MTUS2: variants seen among roughly 807,000 people sequenced by gnomAD.
MTUS2 encodes microtubule-associated tumor suppressor candidate 2.
MTUS2 carries 40 observed loss-of-function variants against 114.1 expected under a neutral mutation model. The observed-to-expected ratio is 0.35, with a 90% confidence interval of 0.27 to 0.46. The LOEUF is 0.46. Among genes scored for constraint, MTUS2 ranks in the 20% least tolerant of loss-of-function variants. The pLI is 1.00. For synonymous variants in MTUS2, 688 were observed against 672.0 expected (o/e 1.02, Z -0.37); for missense variants, 1,679 against 1,705.4 (o/e 0.98, Z 0.27).
intron 5 of MTUS2, among the ~76,000 whole-genome samples, chr13:29,277,652 C>T (rs1898114609): frequency 6.6e-6 from 1 of 152,182 alleles, no homozygotes; most frequent in African/African-American, 2.4e-5. Flanking sequence ...TCCCTTTTCC[C>T]CTGGACATAA....
intron 9 of MTUS2, among the ~76,000 whole-genome samples, chr13:29,473,631 ATG>A (rs748390959): frequency 6.6e-5 from 10 of 152,180 alleles, no homozygotes; most frequent in Non-Finnish European, 1.2e-4. Flanking sequence ...TTTATATCAG[ATG>A]TGTGTGTATT....
rs189464648 is a variant in MTUS2, at chr13:28,967,958, G to A, written c.-242-56499G>A. ...TACACCCTGTTATTATTTCAATAGC[G>A]TTTATTTTTATAGTTCTTTAAATAT... On this transcript the variant is annotated intron_variant, in intron 2 of 15. Transcript: ENST00000612955. 2.6e-4 allele frequency among the ~76,000 whole-genome samples: 40 copies of A among 152,222 alleles called. No homozygotes were observed. In the East Asian group the frequency reaches 5.0e-3, roughly 19 times the overall value.
intron 8 of MTUS2, among the ~76,000 whole-genome samples, chr13:29,404,644 G>A (rs193249345): frequency 2.0e-5 from 3 of 152,088 alleles, no homozygotes; most frequent in Non-Finnish European, 4.4e-5. Flanking sequence ...ATTCAGTCTC[G>A]TACTCACACC....
intron 2 of MTUS2, among the ~76,000 whole-genome samples, chr13:29,012,876 T>TA (rs879541206): frequency 9.4e-4 from 141 of 150,382 alleles, no homozygotes; most frequent in Non-Finnish European, 1.5e-3. Context: ...TACATCTCAA[T>TA]AAAAAAAAGA....
At chr13:28,979,363 GA>G (rs1220716062) in intron 2 of MTUS2, among the ~76,000 whole-genome samples, 4 of 152,078 alleles carry the variant, frequency 2.6e-5, no homozygotes, top group African/African-American at 9.7e-5. Context: ...AAAAATTATT[GA>G]AAATTAACAA....
Position 29,026,163 on chromosome 13 carries a change from C to A in MTUS2, c.1465C>A (p.Pro489Thr), listed in dbSNP as rs2138486766. 1 of 1,613,958 alleles carries A rather than the reference C, an allele frequency of 6.2e-7. No individual in the cohort carries two copies. The highest frequency in any genetic ancestry group is 8.5e-7 in the Non-Finnish European group (1 of 1,179,874). ...NKTEVPEPLD[P>T]QSGRSEARES... The stretch of plus-strand genomic sequence containing the variant: ...GACGGAGGTGCCTGAGCCCCTGGAC[C>A]CTCAAAGTGGCCGCTCAGAAGCACG... Residue 489 changes from proline to threonine, a missense_variant, in exon 3 of 16, where the codon CCT (proline) becomes ACT (threonine). Physicochemically the swap from Pro to Thr is conservative, Grantham distance 38 (BLOSUM62 -1). Coordinates refer to ENST00000612955, the MANE Select transcript of MTUS2 (RefSeq NM_001033602.4).
chr13:29,178,414 T>C (rs1007363563), intron 5 of MTUS2, among the ~76,000 whole-genome samples: 1 of 152,306 alleles, frequency 6.6e-6, no homozygotes, highest in Middle Eastern at 3.4e-3. Flanking sequence ...GGAGATATTC[T>C]ATGAATTGCA....
intron 9 of MTUS2, among the ~76,000 whole-genome samples, chr13:29,471,112 G>A (rs1880254557): frequency 1.3e-5 from 2 of 152,100 alleles, no homozygotes; most frequent in Non-Finnish European, 2.9e-5. Flanking sequence ...GGAGGCTGAG[G>A]CGGGCAGCTC....
intron 5 of MTUS2, among the ~76,000 whole-genome samples, chr13:29,259,211 C>T (rs1897381668): frequency 1.3e-5 from 2 of 152,220 alleles, no homozygotes; most frequent in South Asian, 4.1e-4. Context: ...TGCCCCCGCA[C>T]AGCTGGTCGG....
chr13:29,053,690 G>A (rs769936019), intron 4 of MTUS2, among the ~76,000 whole-genome samples: 1 of 152,134 alleles, frequency 6.6e-6, no homozygotes, highest in African/African-American at 2.4e-5. Context: ...TGTATCTGGT[G>A]TCTGTCACTC....
chr13:28,852,109 A>G (rs1201065602), intron 2 of MTUS2, among the ~76,000 whole-genome samples: 1 of 152,078 alleles, frequency 6.6e-6, no homozygotes, highest in East Asian at 1.9e-4. Flanking sequence ...CTCTGCTTGC[A>G]GGATTACTCC....
At chr13:29,227,107 A>G (rs1896137005) in intron 5 of MTUS2, among the ~76,000 whole-genome samples, 1 of 151,966 alleles carries the variant, frequency 6.6e-6, no homozygotes, top group South Asian at 2.1e-4. Flanking sequence ...AAAATACAAA[A>G]AATTAGCTGG....
chr13:28,858,030 G>C (rs1876743410), intron 2 of MTUS2, among the ~76,000 whole-genome samples: 1 of 152,318 alleles, frequency 6.6e-6, no homozygotes, highest in Admixed American at 6.5e-5. Flanking sequence ...GGAGAGCAGT[G>C]TGGTGCTCTG....
At chr13:28,872,162 G>A (rs1270573233) in intron 2 of MTUS2, among the ~76,000 whole-genome samples, 9 of 152,160 alleles carry the variant, frequency 5.9e-5, no homozygotes, top group Admixed American at 5.9e-4. Context: ...GAAGGAGTCT[G>A]GGTAAGAGAC....
chr13:29,466,326 CTT>C (rs567437172), intron 9 of MTUS2, among the ~76,000 whole-genome samples: 41 of 152,346 alleles, frequency 2.7e-4, no homozygotes, highest in African/African-American at 9.6e-4. Flanking sequence ...TCAACACACT[CTT>C]GGGCTATTGA....
At chr13:29,163,672 C>G (rs1436782396) in intron 5 of MTUS2, among the ~76,000 whole-genome samples, 1 of 152,070 alleles carries the variant, frequency 6.6e-6, no homozygotes, top group Non-Finnish European at 1.5e-5. Context: ...CATTTCAGTC[C>G]CACTAGCAGA....
In MTUS2 at chr13:28,845,747, C is replaced by T. The variant is rs1045593230; in HGVS notation, c.-243+5897C>T. Among the ~76,000 whole-genome samples the T allele has an allele frequency of 1.2e-3, 184 of 151,212 alleles. 4 individuals carry two copies. The highest frequency in any genetic ancestry group is 2.4e-4 in the Non-Finnish European group (16 of 67,864). ...GTCATCAGATAGCCACAAAGAAGGA[C>T]GATGTAGACTTTGGTGACACTCTGG... On this transcript the variant is annotated intron_variant, in intron 2 of 15. Coordinates refer to ENST00000612955, the MANE Select transcript of MTUS2 (RefSeq NM_001033602.4).
At chr13:29,142,498 G>GT (rs1387395348) in intron 5 of MTUS2, among the ~76,000 whole-genome samples, 1 of 152,138 alleles carries the variant, frequency 6.6e-6, no homozygotes, top group African/African-American at 2.4e-5. Flanking sequence ...GAGGTCAGGA[G>GT]TTTGAGACCA....
At chr13:29,441,436 T>G (rs1445357753) in intron 9 of MTUS2, among the ~76,000 whole-genome samples, 3 of 152,162 alleles carry the variant, frequency 2.0e-5, no homozygotes, top group African/African-American at 7.2e-5. Flanking sequence ...GAGCCTAATT[T>G]CTATTTGTTG....
Sources: allele counts gnomAD v4.1 joint callset (sites outside exome capture counted in the v4.1 genomes callset), GRCh38; gene constraint gnomAD v4.1.1; transcripts MANE v1.5; gene names NCBI Gene and HGNC (gene_info 2026-07-23, HGNC 2026-07-21).